The following ANO4 variants were observed in gnomAD, a reference collection of about 807,000 sequenced individuals.
The protein encoded by ANO4 is anoctamin-4.
In ANO4, 69 loss-of-function variants were observed where a neutral mutation model predicts 141.9. The ratio of observed to expected loss-of-function variants is 0.49; its 90% CI spans 0.40 to 0.59. The LOEUF (loss-of-function observed/expected upper bound fraction) is 0.59. Ranked by LOEUF, ANO4 falls within the 20% of genes least tolerant of loss-of-function variation. ANO4 has a pLI of 0.00. For synonymous variants in ANO4, 350 were observed against 394.3 expected (o/e 0.89, Z 1.33); for missense variants, 894 against 1,162.2 (o/e 0.77, Z 3.36).
At chr12:100,996,698 G>A (rs1181197994) in intron 8 of ANO4, among the ~76,000 whole-genome samples, 1 of 152,114 alleles carries the variant, frequency 6.6e-6, no homozygotes, top group Non-Finnish European at 1.5e-5. Context: ...AAGGCAGTGG[G>A]GCAGGGAGAA....
intron 14 of ANO4, among the ~76,000 whole-genome samples, chr12:101,071,412 C>T (rs548051973): frequency 1.3e-4 from 19 of 150,336 alleles, no homozygotes; most frequent in African/African-American, 2.0e-4. Flanking sequence ...TTATGTTAAG[C>T]GACATAAGCC....
At chr12:101,084,024 G>A (rs1457647222) in intron 16 of ANO4, among the ~76,000 whole-genome samples, 1 of 152,120 alleles carries the variant, frequency 6.6e-6, no homozygotes, top group Non-Finnish European at 1.5e-5. Flanking sequence ...CAGGTTATGG[G>A]GCTTGCCCGA....
At chr12:101,034,356 G>T (rs1173293576) in intron 9 of ANO4, among the ~76,000 whole-genome samples, 2 of 152,152 alleles carry the variant, frequency 1.3e-5, no homozygotes, top group African/African-American at 4.8e-5. Flanking sequence ...TATGAAGCTG[G>T]ATACCATCAT....
At chr12:100,994,962 G>C (rs1166548631) in intron 8 of ANO4, among the ~76,000 whole-genome samples, 1 of 152,148 alleles carries the variant, frequency 6.6e-6, no homozygotes, top group African/African-American at 2.4e-5. Flanking sequence ...AGAGGCCAGG[G>C]ATGCTGCTGA....
Position 100,942,417 on chromosome 12 carries a change from G to A in ANO4, c.338G>A (p.Arg113Gln), listed in dbSNP as rs1442015501. ...ERNKSNGLYFRDGKCRIDYIL... is the reference protein window; with the variant it reads ...ERNKSNGLYFQDGKCRIDYIL... ...AACAAATCAAATGGACTTTACTTTC[G>A]AGATGGAAAGTGTCGAATTGACTAC... Residue 113 changes from arginine (R) to glutamine (Q), a missense_variant, in exon 5 of 28, where the codon CGA (arginine) becomes CAA (glutamine). By Grantham distance (43) the Arg-to-Gln change is conservative. Transcript: ENST00000392977. The A allele has an allele frequency of 2.5e-6, 4 of 1,613,990 alleles. No individual in the cohort carries two copies. The highest frequency in any genetic ancestry group is 3.4e-6 in the Non-Finnish European group (4 of 1,179,952).
At chr12:100,741,691 A>T (rs2031871937) in intron 3 of ANO4, among the ~76,000 whole-genome samples, 1 of 152,228 alleles carries the variant, frequency 6.6e-6, no homozygotes, top group Non-Finnish European at 1.5e-5. Flanking sequence ...GTTGAAGGTC[A>T]GTTTGACAGC....
At chr12:101,104,443 A>G (rs1467707602) in intron 22 of ANO4, among the ~76,000 whole-genome samples, 1 of 150,826 alleles carries the variant, frequency 6.6e-6, no homozygotes, top group Admixed American at 6.6e-5. Context: ...TTCCCTTGTA[A>G]TTTATTTTCG....
chr12:100,783,820 C>A (rs7960388), intron 3 of ANO4, among the ~76,000 whole-genome samples: 43,350 of 151,954 alleles, frequency 0.29, 6,589 homozygotes, highest in Non-Finnish European at 0.35. Context: ...GGTGTTGCTG[C>A]AGAAAAACCT....
intron 26 of ANO4, among the ~76,000 whole-genome samples, chr12:101,125,831 CG>C (rs1220027602): frequency 6.6e-6 from 1 of 151,736 alleles, no homozygotes; most frequent in Non-Finnish European, 1.5e-5. Flanking sequence ...CAATGTTCAT[CG>C]GGGATATTGG....
intron 8 of ANO4, among the ~76,000 whole-genome samples, chr12:101,009,001 G>A (rs1331999206): frequency 1.3e-5 from 2 of 151,848 alleles, no homozygotes; most frequent in Non-Finnish European, 2.9e-5. Flanking sequence ...ATTCTCTAGT[G>A]ACTTCCTAAT....
chr12:100,763,961 C>T (rs2032978953), intron 3 of ANO4, among the ~76,000 whole-genome samples: 1 of 151,662 alleles, frequency 6.6e-6, no homozygotes, highest in Non-Finnish European at 1.5e-5. Flanking sequence ...ATCTCAAGTT[C>T]CTTTAGGATT....
chr12:100,867,353 A>G (rs1215101148), intron 1 of ANO4, among the ~76,000 whole-genome samples: 2 of 152,150 alleles, frequency 1.3e-5, no homozygotes, highest in Non-Finnish European at 2.9e-5. Context: ...TTTTCAGTTC[A>G]TGTCCAAAGG....
intron 14 of ANO4, among the ~76,000 whole-genome samples, chr12:101,072,195 A>G (rs1320574934): frequency 6.6e-6 from 1 of 152,174 alleles, no homozygotes; most frequent in Non-Finnish European, 1.5e-5. Context: ...TTGTGGCTGC[A>G]TCCCCTTCTG....
At chr12:100,748,117 A>G (rs879731318) in intron 3 of ANO4, among the ~76,000 whole-genome samples, 3 of 152,136 alleles carry the variant, frequency 2.0e-5, no homozygotes, top group Non-Finnish European at 4.4e-5. Flanking sequence ...CCATATATGC[A>G]AGCTCTGAAA....
At chr12:100,785,788 G>C (rs1452795872) in intron 3 of ANO4, among the ~76,000 whole-genome samples, 3 of 152,138 alleles carry the variant, frequency 2.0e-5, no homozygotes, top group Admixed American at 2.0e-4. Context: ...GGATCGTAAG[G>C]TAAGAGTATG....
chr12:100,738,694 G>T lies in ANO4; in HGVS notation c.107-1160G>T, dbSNP rs1047608150. ...ATACTATATATTTATATATTTAACCGCATATATTTAAGGTGCACAACATAA... is the reference window on the plus strand; with the variant it reads ...ATACTATATATTTATATATTTAACCTCATATATTTAAGGTGCACAACATAA... On this transcript the variant is annotated intron_variant, in intron 2 of 29. Coordinates refer to the ANO4 transcript ENST00000644049. Among the ~76,000 whole-genome samples, 12 of 151,618 alleles carry T rather than the reference G, an allele frequency of 7.9e-5. No homozygotes were observed. The East Asian group carries it at 2.1e-3, about 27-fold the overall frequency.
chr12:100,950,061 T>C (rs1389011342), intron 5 of ANO4, among the ~76,000 whole-genome samples: 2 of 152,238 alleles, frequency 1.3e-5, no homozygotes, highest in African/African-American at 4.8e-5. Flanking sequence ...ATCCAGCTTG[T>C]TGCTGTAGAT....
chr12:100,960,537 G>A (rs1445272023), intron 5 of ANO4, among the ~76,000 whole-genome samples: 5 of 151,538 alleles, frequency 3.3e-5, no homozygotes, highest in Admixed American at 3.3e-4. Flanking sequence ...CTTCCCAAGT[G>A]CACATGTATA....
At chr12:100,870,012 C>T (rs1426911761) in intron 1 of ANO4, among the ~76,000 whole-genome samples, 1 of 152,166 alleles carries the variant, frequency 6.6e-6, no homozygotes, top group East Asian at 1.9e-4. Flanking sequence ...ACAACATGAT[C>T]AATCTAATCC....
Sources: gnomAD v4.1 joint callset for allele counts (sites outside exome capture counted in the v4.1 genomes callset) on GRCh38, gnomAD v4.1.1 for gene constraint, MANE v1.5 for transcripts, NCBI Gene and HGNC (gene_info 2026-07-23, HGNC 2026-07-21) for gene names.